TSC22D2: variants seen among roughly 807,000 people sequenced by gnomAD.
TSC22D2 encodes the protein TSC22 domain family member 2, also known as TSC22 domain family protein 2.
A neutral mutation model predicts 50.1 loss-of-function variants in TSC22D2; 5 were observed. That is an observed-to-expected ratio of 0.10 (90% CI 0.05 to 0.21). The LOEUF is 0.21. TSC22D2 is among the 10% of genes least tolerant of loss of function. The pLI is 1.00. For missense variants in TSC22D2, 1,003 were observed against 1,015.5 expected (o/e 0.99, Z 0.17); for synonymous variants, 501 against 450.1 (o/e 1.11, Z -1.43).
intron 1 of TSC22D2, among the ~76,000 whole-genome samples, chr3:150,436,739 T>C (rs1209109648): frequency 6.6e-6 from 1 of 152,212 alleles, no homozygotes; most frequent in African/African-American, 2.4e-5. Flanking sequence ...ATGATTTATA[T>C]TGAAGTCAAA....
At chr3:150,454,519 C>T (rs2108104284) in intron 1 of TSC22D2, among the ~76,000 whole-genome samples, 1 of 152,332 alleles carries the variant, frequency 6.6e-6, no homozygotes, top group South Asian at 2.1e-4. Context: ...GTAGATTCCA[C>T]ATCATCTGGG....
At chr3:150,416,813 A>C (rs1403041752) in intron 1 of TSC22D2, among the ~76,000 whole-genome samples, 2 of 152,128 alleles carry the variant, frequency 1.3e-5, no homozygotes, top group Non-Finnish European at 2.9e-5. Flanking sequence ...CCTGTATGAA[A>C]GTATTGCATG....
At chr3:150,421,126 C>G (rs1719993364) in intron 1 of TSC22D2, among the ~76,000 whole-genome samples, 1 of 152,100 alleles carries the variant, frequency 6.6e-6, no homozygotes, top group South Asian at 2.1e-4. Flanking sequence ...AGAATATCAT[C>G]CTTATAAATA....
intron 1 of TSC22D2, among the ~76,000 whole-genome samples, chr3:150,456,670 T>C (rs1214952343): frequency 2.0e-5 from 3 of 151,736 alleles, no homozygotes; most frequent in Non-Finnish European, 4.4e-5. Flanking sequence ...CTACAATAAG[T>C]AATTATTGGA....
At chr3:150,420,517 A>G (rs1235255518) in intron 1 of TSC22D2, among the ~76,000 whole-genome samples, 1 of 152,210 alleles carries the variant, frequency 6.6e-6, no homozygotes, top group African/African-American at 2.4e-5. Context: ...TAGCTTTTGC[A>G]AATTAAGTGT....
chr3:150,411,139 A>G lies in TSC22D2; in HGVS notation c.1789A>G (p.Lys597Glu). 6.2e-7 allele frequency: 1 copy of G among 1,614,144 alleles called. No homozygotes were observed. Among genetic ancestry groups the G allele is most frequent in the Non-Finnish European group, 8.5e-7 (1 of 1,180,024 alleles). The change falls in exon 1 of 3, where the codon AAA (lysine) becomes GAA (glutamate). Residue 597 changes from lysine to glutamate, a missense_variant. This residue lies in a region of TSC22D2 where 696 missense variants were observed against 647.8 expected (regional missense o/e 1.07). Transcript: ENST00000688009. ...CGGGCAAGTCGACGATACTAGAAGA[A>G]AATCAGAACCCCTACCTCAACCACC... ...LVGQVDDTRR[K>E]SEPLPQPPLS... is the part of the protein sequence containing the mutation.
intron 1 of TSC22D2, among the ~76,000 whole-genome samples, chr3:150,438,908 A>G (rs925166562): frequency 1.3e-5 from 2 of 152,080 alleles, no homozygotes; most frequent in Non-Finnish European, 2.9e-5. Flanking sequence ...GTCATTGCAC[A>G]TTTTTTATAT....
intron 1 of TSC22D2, among the ~76,000 whole-genome samples, chr3:150,455,860 G>T (rs975855559): frequency 6.6e-6 from 1 of 150,640 alleles, no homozygotes; most frequent in Non-Finnish European, 1.5e-5. Context: ...TTCTTTACAA[G>T]AGTAATTTTT....
chr3:150,426,960 C>G (rs932357117), intron 1 of TSC22D2, among the ~76,000 whole-genome samples: 1 of 151,778 alleles, frequency 6.6e-6, no homozygotes, highest in Non-Finnish European at 1.5e-5. Flanking sequence ...TCCAGTATTT[C>G]CTATCATTGT....
chr3:150,433,642 A>G (rs920479977), intron 1 of TSC22D2, among the ~76,000 whole-genome samples: 3 of 152,210 alleles, frequency 2.0e-5, no homozygotes, highest in African/African-American at 7.2e-5. Flanking sequence ...TATTTGCAGT[A>G]GCTGTTTTTA....
chr3:150,463,758 T>C lies in TSC22D2; in HGVS notation c.*5122T>C, dbSNP rs1576563787. The C allele has an allele frequency of 6.6e-6, 1 of 151,762 alleles. No homozygotes were observed. Among genetic ancestry groups the C allele is most frequent in the Non-Finnish European group, 1.5e-5 (1 of 67,930 alleles). 9.4% of individuals were successfully genotyped at this position (151,762 alleles called of 1,614,324 possible). A position where few individuals can be genotyped will look rare whatever the true frequency, so the allele number is the denominator to read the frequency against. On this transcript the variant is annotated 3_prime_UTR_variant, in exon 3 of 3. Coordinates refer to ENST00000688009, the MANE Select transcript of TSC22D2 (RefSeq NM_001303264.2). ...CACCCCCCCGAACCCCGCCATGGAA[T>C]CATCAAATAAGAAAAATAAGACAGA... is the stretch of plus-strand genomic sequence containing the variant.
In TSC22D2 at chr3:150,464,021, C is replaced by T. The variant is rs951485499; in HGVS notation, c.*5385C>T. 2 of 152,178 alleles carry T rather than the reference C, an allele frequency of 1.3e-5. No homozygotes were observed. The highest frequency in any genetic ancestry group is 2.9e-5 in the Non-Finnish European group (2 of 68,032). 9.4% of individuals were successfully genotyped at this position (152,178 alleles called of 1,614,324 possible). A position where few individuals can be genotyped will look rare whatever the true frequency, so the allele number is the denominator to read the frequency against. ...TGTCCACAGAAGCCATATTTATCCC[C>T]TTGGAGGGAAGGGAAAGGTGTGCTA... On this transcript the variant is annotated 3_prime_UTR_variant, in exon 3 of 3. Coordinates refer to ENST00000688009, the MANE Select transcript of TSC22D2 (RefSeq NM_001303264.2).
intron 1 of TSC22D2, among the ~76,000 whole-genome samples, chr3:150,429,269 G>A (rs966122647): frequency 1.3e-5 from 2 of 152,038 alleles, no homozygotes; most frequent in Non-Finnish European, 2.9e-5. Flanking sequence ...GGTAAATGAA[G>A]CCCCACAAAT....
At position 150,421,907 on chromosome 3, in the gene TSC22D2, A is replaced by G. The variant is rs140345307; in HGVS notation, c.1958+10599A>G. Among the ~76,000 whole-genome samples, 522 of 152,338 alleles carry G rather than the reference A, an allele frequency of 3.4e-3. 1 individual carries two copies. Among genetic ancestry groups the G allele is most frequent in the Middle Eastern group, 0.014 (4 of 294 alleles). ...AAGAGACAGACTTTTAAAGAGGTCA[A>G]ACTTTAACACTGCTATGTGTTTAGT... On this transcript the variant is annotated intron_variant, in intron 1 of 2. Transcript: ENST00000688009.
At chr3:150,450,941 G>A (rs758175558) in intron 1 of TSC22D2, among the ~76,000 whole-genome samples, 2 of 152,170 alleles carry the variant, frequency 1.3e-5, no homozygotes, top group Admixed American at 1.3e-4. Flanking sequence ...ATGGGAGTGG[G>A]TGGAATAAAA....
chr3:150,413,602 AAAG>A lies in TSC22D2; in HGVS notation c.1958+2297_1958+2299del, dbSNP rs1313128006. Among the ~76,000 whole-genome samples the A allele has an allele frequency of 2.0e-5, 3 of 150,856 alleles. No homozygotes were observed. The South Asian group carries it at 6.2e-4, about 31-fold the overall frequency. On this transcript the variant is annotated intron_variant, in intron 1 of 2. Coordinates refer to ENST00000688009, the MANE Select transcript of TSC22D2 (RefSeq NM_001303264.2). ...AGAAAGCTTTGGTTAAAAAAAAAAA[AAAG>A]AACAGGGTATTTTAAAATTTTGTGT...
Position 150,461,855 on chromosome 3 carries a change from A to ATT in TSC22D2, c.*3219_*3220insTT, listed in dbSNP as rs774393370. 0.095 allele frequency: 13,939 copies of ATT among 146,180 alleles called. 796 individuals carry two copies. The highest frequency in any genetic ancestry group is 0.22 in the Middle Eastern group (62 of 282). 9.1% of individuals were successfully genotyped at this position (146,180 alleles called of 1,614,324 possible). On this transcript the variant is annotated 3_prime_UTR_variant, in exon 3 of 3. Transcript: ENST00000688009. ...CAGTAATTCATGGACCTTTTTTTAA[A>ATT]AAAAAAAAAAGTCTTAATAGAACCA...
At position 150,434,975 on chromosome 3, in the gene TSC22D2, TTTTA is replaced by T. The variant is rs1053012469; in HGVS notation, c.1959-22085_1959-22082del. On this transcript the variant is annotated intron_variant, in intron 1 of 2. Coordinates refer to ENST00000688009, the MANE Select transcript of TSC22D2 (RefSeq NM_001303264.2). The stretch of plus-strand genomic sequence containing the variant: ...GTTATGTGTCTTTTTATATGTGTCT[TTTTA>T]TTTATTTATTTATTTTGAGATGGAG... 2.2e-3 allele frequency among the ~76,000 whole-genome samples: 339 copies of T among 152,160 alleles called. 1 individual carries two copies. The highest frequency in any genetic ancestry group is 7.9e-3 in the African/African-American group (328 of 41,524).
chr3:150,422,976 A>C (rs1010624485), intron 1 of TSC22D2: 2 of 1,104,618 alleles, frequency 1.8e-6, no homozygotes, highest in Non-Finnish European at 2.6e-6. Flanking sequence ...AAAATCTTCC[A>C]TCTTCTTTTG....
Sources: allele counts gnomAD v4.1 joint callset (sites outside exome capture counted in the v4.1 genomes callset), GRCh38; gene constraint gnomAD v4.1.1; regional missense constraint gnomAD v4.1.1; transcripts MANE v1.5; gene names NCBI Gene and HGNC (gene_info 2026-07-23, HGNC 2026-07-21).